Variants in RIF1 observed in about 807,000 individuals in gnomAD.
RIF1 encodes the protein telomere-associated protein RIF1.
RIF1 carries 45 observed loss-of-function variants against 247.1 expected under a neutral mutation model. The ratio of observed to expected loss-of-function variants is 0.18; its 90% CI spans 0.14 to 0.23. RIF1 has a LOEUF of 0.23. Ranked by LOEUF, RIF1 falls within the 10% of genes least tolerant of loss-of-function variation. RIF1 has a pLI of 1.00. For synonymous variants in RIF1, 1,087 were observed against 978.8 expected, an observed-to-expected ratio of 1.11 and a Z score of -2.06; for missense variants, 2,967 against 2,862.5, an observed-to-expected ratio of 1.04 and a Z score of -0.83.
intron 8 of RIF1, chr2:151,423,342 G>T: frequency 4.0e-6 from 1 of 247,292 alleles, no homozygotes; most frequent in Non-Finnish European, 7.6e-6. Flanking sequence ...TTAAACAGGT[G>T]TCCTTTTTAT....
intron 22 of RIF1, among the ~76,000 whole-genome samples, chr2:151,455,630 ATAT>A (rs543369402): frequency 2.0e-5 from 3 of 149,740 alleles, no homozygotes; most frequent in South Asian, 2.1e-4. Flanking sequence ...ATTGTATTAG[ATAT>A]TATAAGGAAT....
intron 6 of RIF1, among the ~76,000 whole-genome samples, chr2:151,417,545 A>G (rs747061379): frequency 2.6e-5 from 4 of 152,204 alleles, no homozygotes; most frequent in Non-Finnish European, 5.9e-5. Flanking sequence ...GATTCAACCA[A>G]TTGAGGGTTG....
the RIF1 span, among the ~76,000 whole-genome samples, chr2:151,532,419 C>T: frequency 6.6e-6 from 1 of 152,178 alleles, no homozygotes; most frequent in South Asian, 2.1e-4. Context: ...AAAGATGAAA[C>T]AGGGATGTAA....
At chr2:151,429,765 C>A (rs1689742183) in intron 9 of RIF1, among the ~76,000 whole-genome samples, 1 of 152,092 alleles carries the variant, frequency 6.6e-6, no homozygotes, top group Non-Finnish European at 1.5e-5. Flanking sequence ...TTTACTTTAA[C>A]CTTATCTTCT....
At chr2:151,419,824 G>A (rs1237451316) in intron 6 of RIF1, among the ~76,000 whole-genome samples, 1 of 152,126 alleles carries the variant, frequency 6.6e-6, no homozygotes, top group Non-Finnish European at 1.5e-5. Context: ...AATCTTATGG[G>A]ACCACCATTG....
the RIF1 span, among the ~76,000 whole-genome samples, chr2:151,517,884 G>A: frequency 1.3e-5 from 2 of 152,174 alleles, no homozygotes; most frequent in African/African-American, 4.8e-5. Context: ...ACATCATGCG[G>A]TATATGACTG....
the RIF1 span, chr2:151,519,018 T>C: frequency 1.6e-4 from 251 of 1,613,654 alleles, no homozygotes; most frequent in Middle Eastern, 8.2e-4. Context: ...AGAGACTCCT[T>C]CATGTCAGTC....
rs376681380 is a variant in RIF1 at position 151,464,915 on chromosome 2, G to C, written c.5395G>C (p.Gly1799Arg). The C allele has an allele frequency of 3.8e-6, 6 of 1,577,156 alleles. No individual in the cohort carries two copies. The African/African-American group carries it at 5.5e-5, about 14-fold the overall frequency. ...ACATCATAGTGTGAATTTTCATTTG[G>C]GTCTCAAAGAGGATAATGATACTAT... Reference protein sequence around the residue: ...DEHHSVNFHLGLKEDNDTIND... With the variant: ...DEHHSVNFHLRLKEDNDTIND... Residue 1799 changes from glycine to arginine, a missense_variant, in exon 30 of 36, where the codon GGT becomes CGT. Gly to Arg is a moderately radical substitution (Grantham distance 125). Around this residue, in one of 7 missense-constraint regions of RIF1, gnomAD observed 2,028 missense variants for 1,825.6 expected, o/e 1.11. Coordinates refer to ENST00000444746, the MANE Select transcript of RIF1 (RefSeq NM_018151.5).
intron 11 of RIF1, chr2:151,501,543 A>ATTC (rs1468359762): frequency 1.7e-5 from 15 of 882,374 alleles, no homozygotes; most frequent in Non-Finnish European, 2.4e-5. Flanking sequence ...AGGTAGACTT[A>ATTC]ACCTAAAAAA....
At chr2:151,446,224 C>G (rs2152409584) in intron 19 of RIF1, among the ~76,000 whole-genome samples, 1 of 152,108 alleles carries the variant, frequency 6.6e-6, no homozygotes, top group East Asian at 1.9e-4. Context: ...ACCTCGAACT[C>G]CTGACCTCAG....
chr2:151,468,816 T>TA (rs1282477978), intron 33 of RIF1, 60 bp downstream of exon 33: 4 of 1,140,218 alleles, frequency 3.5e-6, no homozygotes, highest in Non-Finnish European at 5.3e-6. Context: ...TAAGAGGACT[T>TA]ATCTGATTGC....
chr2:151,463,636 T>C lies in RIF1; in HGVS notation c.4116T>C (p.Thr1372=), dbSNP rs1195871611. The change falls in exon 30 of 36, where the codon ACT becomes ACC. Residue 1372 remains threonine (T), a synonymous_variant. Coordinates refer to ENST00000444746, the MANE Select transcript of RIF1 (RefSeq NM_018151.5). ...VENAVLLETN[T]VEEKNVEINL... ...ATGCTGTATTATTGGAAACTAATAC[T>C]GTAGAGGAGAAAAATGTAGAAATTA... The C allele has an allele frequency of 3.1e-6, 5 of 1,613,630 alleles. No homozygotes were observed. The East Asian group carries it at 6.7e-5, about 22-fold the overall frequency.
At chr2:151,529,286 T>C in the RIF1 span, 1 of 1,613,192 alleles carries the variant, frequency 6.2e-7, no homozygotes, top group Non-Finnish European at 8.5e-7. Context: ...GTTGGATTTA[T>C]TTCTTTGGTA....
intron 30 of RIF1, among the ~76,000 whole-genome samples, chr2:151,467,708 C>T (rs531696767): frequency 1.8e-4 from 28 of 152,258 alleles, no homozygotes; most frequent in East Asian, 1.4e-3. Context: ...AGAATCAGAT[C>T]GTACACTTTT....
chr2:151,463,333 T>G lies in RIF1; in HGVS notation c.3813T>G (p.Thr1271=), dbSNP rs746252885. 26 of 1,613,680 alleles carry G rather than the reference T, an allele frequency of 1.6e-5. No individual in the cohort carries two copies. The highest frequency in any genetic ancestry group is 1.9e-5 in the Non-Finnish European group (22 of 1,179,954). The change falls in exon 30 of 36, where the codon ACT becomes ACG. Residue 1271 remains threonine, a synonymous_variant. Coordinates refer to ENST00000444746, the MANE Select transcript of RIF1 (RefSeq NM_018151.5). ...CAAAAGCAAAGCAAAGAGAAGGGAC[T>G]TTTTCAAAATCTGATTCTGAAAAAA... ...FLPKAKQREG[T]FSKSDSEKIV... is the part of the protein sequence containing the mutation.
At chr2:151,503,488 TC>T (rs1226944704) in intron 12 of RIF1, 1 of 1,306,426 alleles carries the variant, frequency 7.7e-7, no homozygotes, top group South Asian at 1.2e-5. Context: ...TGACCGTAAA[TC>T]CTTTAGATAG....
chr2:151,482,484 A>G (rs574363523), downstream of RIF1, among the ~76,000 whole-genome samples: 10 of 152,248 alleles, frequency 6.6e-5, no homozygotes, highest in South Asian at 8.3e-4. Flanking sequence ...TCGTCAAATA[A>G]GGGCTGAGTA....
At chr2:151,432,112 G>A (rs1477757487) in intron 9 of RIF1, among the ~76,000 whole-genome samples, 2 of 152,072 alleles carry the variant, frequency 1.3e-5, no homozygotes, top group African/African-American at 4.8e-5. Flanking sequence ...GGGTCCAAGC[G>A]AGTCTCCTGC....
At chr2:151,438,584 A>C in intron 13 of RIF1, 100 bp from the exon 14 acceptor site, 1 of 766,448 alleles carries the variant, frequency 1.3e-6, no homozygotes, top group Non-Finnish European at 2.3e-6. Flanking sequence ...GTATTGTTCA[A>C]TTTATTTGTT....
Sources: allele counts gnomAD v4.1 joint callset (sites outside exome capture counted in the v4.1 genomes callset), GRCh38; gene constraint gnomAD v4.1.1; regional missense constraint gnomAD v4.1.1; transcripts MANE v1.5; gene names NCBI Gene and HGNC (gene_info 2026-07-23, HGNC 2026-07-21).